The following GRIA2 variants were observed in gnomAD, a reference collection of about 807,000 sequenced individuals.
The protein encoded by GRIA2 is glutamate receptor 2.
A neutral mutation model predicts 97.3 loss-of-function variants in GRIA2; 14 were observed. The observed-to-expected ratio is 0.14, with a 90% CI of 0.10 to 0.23. GRIA2 has a LOEUF of 0.23. Ranked by LOEUF, GRIA2 falls within the 10% of genes least tolerant of loss-of-function variation. The probability of loss-of-function intolerance (pLI) is 1.00; values close to 1 mark genes in which losing one functional copy is unlikely to be tolerated. For synonymous variants in GRIA2, 412 were observed against 387.8 expected (o/e 1.06, Z -0.73); for missense variants, 558 against 1,069.8 (o/e 0.52, Z 6.67).
chr4:157,332,138 A>G (rs997538464), intron 6 of GRIA2, among the ~76,000 whole-genome samples: 5 of 152,188 alleles, frequency 3.3e-5, no homozygotes, highest in African/African-American at 1.2e-4. Context: ...TGCCTTGTAC[A>G]CATGTACCTA....
intron 6 of GRIA2, among the ~76,000 whole-genome samples, chr4:157,323,488 A>C (rs1274327251): frequency 6.6e-6 from 1 of 151,976 alleles, no homozygotes; most frequent in Non-Finnish European, 1.5e-5. Flanking sequence ...AAGGGGTCTA[A>C]CTGCCGATCC....
intron 12 of GRIA2, among the ~76,000 whole-genome samples, chr4:157,349,188 G>A (rs1393724652): frequency 6.6e-6 from 1 of 152,140 alleles, no homozygotes; most frequent in Non-Finnish European, 1.5e-5. Flanking sequence ...GGTAAGAAAT[G>A]TAGAAAGTAT....
intron 2 of GRIA2, among the ~76,000 whole-genome samples, chr4:157,239,210 A>G (rs1006885193): frequency 6.6e-6 from 1 of 152,136 alleles, no homozygotes; most frequent in Non-Finnish European, 1.5e-5. Context: ...CCTTATGTCC[A>G]GAATAGAACT....
At chr4:157,326,791 T>C (rs1734821778) in intron 6 of GRIA2, among the ~76,000 whole-genome samples, 1 of 152,218 alleles carries the variant, frequency 6.6e-6, no homozygotes, top group Admixed American at 6.5e-5. Context: ...CCAGAAGTTT[T>C]ATGCCTTGTT....
At chr4:157,357,022 C>A (rs1011603516) in intron 12 of GRIA2, among the ~76,000 whole-genome samples, 1 of 152,100 alleles carries the variant, frequency 6.6e-6, no homozygotes, top group African/African-American at 2.4e-5. Flanking sequence ...ATGAGAAGCC[C>A]AAAACTTTGC....
intron 2 of GRIA2, among the ~76,000 whole-genome samples, chr4:157,230,005 A>T (rs1476639438): frequency 6.6e-6 from 1 of 152,182 alleles, no homozygotes; most frequent in African/African-American, 2.4e-5. Flanking sequence ...ATGCTTGTTA[A>T]AGCATAGTAG....
intron 2 of GRIA2, among the ~76,000 whole-genome samples, chr4:157,292,359 G>T (rs1733144835): frequency 6.6e-6 from 1 of 151,974 alleles, no homozygotes. Flanking sequence ...AACAAAATAA[G>T]TTAGGTTTTT....
At chr4:157,245,007 A>T (rs1181654918) in intron 2 of GRIA2, among the ~76,000 whole-genome samples, 1 of 152,088 alleles carries the variant, frequency 6.6e-6, no homozygotes, top group Non-Finnish European at 1.5e-5. Context: ...GGATTAAAAA[A>T]ATACTACATA....
chr4:157,323,453 A>C (rs1476047359), intron 6 of GRIA2, among the ~76,000 whole-genome samples: 1 of 149,692 alleles, frequency 6.7e-6, no homozygotes, highest in Non-Finnish European at 1.5e-5. Context: ...AGTTGGTGTC[A>C]GCGTATGTAT....
Position 157,364,435 on chromosome 4 carries a change from A to G in GRIA2, c.*1004A>G, listed in dbSNP as rs1392556403. ...TTTTTCAAATGTAATCTTGCCCCCAAAGTAATATCTGAATATCTTTTTGAC... is the reference window on the plus strand; with the variant it reads ...TTTTTCAAATGTAATCTTGCCCCCAGAGTAATATCTGAATATCTTTTTGAC... On this transcript the variant is annotated 3_prime_UTR_variant, in exon 16 of 16. Coordinates refer to ENST00000264426, the MANE Select transcript of GRIA2 (RefSeq NM_001083619.3). 2 of 151,884 alleles carry G rather than the reference A, an allele frequency of 1.3e-5. No individual in the cohort carries two copies. The highest frequency in any genetic ancestry group is 2.9e-5 in the Non-Finnish European group (2 of 67,868). 9.4% of individuals were successfully genotyped at this position (151,884 alleles called of 1,614,324 possible).
chr4:157,233,504 T>C (rs933749934), intron 2 of GRIA2, among the ~76,000 whole-genome samples: 6 of 152,132 alleles, frequency 3.9e-5, no homozygotes, highest in African/African-American at 1.4e-4. Flanking sequence ...GCTTTGGAAT[T>C]AGGCAAAAAT....
chr4:157,322,348 T>C (rs967724169), intron 6 of GRIA2, among the ~76,000 whole-genome samples: 47 of 151,964 alleles, frequency 3.1e-4, no homozygotes, highest in African/African-American at 1.1e-3. Flanking sequence ...AAAATCTCAA[T>C]TTGCCTTAAT....
At chr4:157,360,602 GA>G in intron 13 of GRIA2, 1 of 431,878 alleles carries the variant, frequency 2.3e-6, no homozygotes, top group Non-Finnish European at 4.5e-6. Flanking sequence ...TTGTTTAAGG[GA>G]TATACTTTGG....
intron 2 of GRIA2, among the ~76,000 whole-genome samples, chr4:157,259,651 A>G (rs1037928631): frequency 6.6e-6 from 1 of 152,130 alleles, no homozygotes; most frequent in Admixed American, 6.6e-5. Context: ...TTCGTTCTAT[A>G]TAATCCTCCT....
Position 157,363,633 on chromosome 4 carries a change from G to A in GRIA2, c.*202G>A. 3.4e-6 allele frequency: 4 copies of A among 1,171,480 alleles called. No homozygotes were observed. Among genetic ancestry groups the A allele is most frequent in the Non-Finnish European group, 4.3e-6 (4 of 931,002 alleles). The allele number at this position is 1,171,480 out of a possible 1,614,324, so 72.6% of individuals were successfully genotyped here. The stretch of plus-strand genomic sequence containing the variant: ...AACCTTTTGAGTGCCTTACACAATG[G>A]TTTTCTTGTGTGTTTATTGTCAAAG... On this transcript the variant is annotated 3_prime_UTR_variant, in exon 16 of 16. Coordinates refer to ENST00000264426, the MANE Select transcript of GRIA2 (RefSeq NM_001083619.3).
At chr4:157,310,732 C>T (rs1480031685) in intron 3 of GRIA2, among the ~76,000 whole-genome samples, 2 of 151,964 alleles carry the variant, frequency 1.3e-5, no homozygotes, top group Non-Finnish European at 2.9e-5. Context: ...ATCCATATAT[C>T]GCAATTAGTT....
chr4:157,298,905 C>T (rs1733486688), intron 2 of GRIA2, among the ~76,000 whole-genome samples: 2 of 151,698 alleles, frequency 1.3e-5, no homozygotes, highest in Admixed American at 1.3e-4. Flanking sequence ...TGAATTTGAC[C>T]TTGTGGAAAG....
intron 2 of GRIA2, among the ~76,000 whole-genome samples, chr4:157,230,515 T>C (rs1350665061): frequency 4.0e-5 from 6 of 151,256 alleles, no homozygotes; most frequent in African/African-American, 1.2e-4. Context: ...TCCTTCCTTC[T>C]TTCCTTCCTT....
chr4:157,244,017 GA>G (rs1189363772), intron 2 of GRIA2, among the ~76,000 whole-genome samples: 2 of 152,006 alleles, frequency 1.3e-5, no homozygotes, highest in Non-Finnish European at 2.9e-5. Context: ...ACTAGTTGAA[GA>G]CAATATGTTA....
Sources: allele counts gnomAD v4.1 joint callset (sites outside exome capture counted in the v4.1 genomes callset), GRCh38; gene constraint gnomAD v4.1.1; transcripts MANE v1.5; gene names NCBI Gene and HGNC (gene_info 2026-07-23, HGNC 2026-07-21).